Variants in ETV6 observed in about 807,000 individuals in gnomAD.
ETV6 encodes the protein ETS variant transcription factor 6.
ETV6 carries 16 observed loss-of-function variants against 51.1 expected under a neutral mutation model. The observed-to-expected ratio is 0.31, with a 90% CI of 0.21 to 0.48. The LOEUF (loss-of-function observed/expected upper bound fraction) is 0.48. ETV6 is among the 20% of genes least tolerant of loss of function. The pLI is 0.99. For missense variants in ETV6, 458 were observed against 594.8 expected (o/e 0.77, Z 2.39); for synonymous variants, 240 against 224.1 (o/e 1.07, Z -0.64).
intron 1 of ETV6, among the ~76,000 whole-genome samples, chr12:11,682,122 C>A (rs1321046948): frequency 1.3e-5 from 2 of 152,146 alleles, no homozygotes; most frequent in African/African-American, 4.8e-5. Flanking sequence ...ATTTCTGGTT[C>A]TAGATCCTTG....
intron 1 of ETV6, among the ~76,000 whole-genome samples, chr12:11,745,245 C>T (rs112159963): frequency 0.014 from 2,101 of 152,310 alleles, 52 homozygotes; most frequent in African/African-American, 0.048. Flanking sequence ...TGCAGTTATA[C>T]GGAACCTTTA....
chr12:11,741,299 G>T (rs1384386011), intron 1 of ETV6, among the ~76,000 whole-genome samples: 1 of 152,170 alleles, frequency 6.6e-6, no homozygotes, highest in Non-Finnish European at 1.5e-5. Flanking sequence ...CTCACCCAGG[G>T]AACAGTGGTT....
At chr12:11,714,904 G>C (rs1565496213) in intron 1 of ETV6, among the ~76,000 whole-genome samples, 1 of 152,182 alleles carries the variant, frequency 6.6e-6, no homozygotes, top group Admixed American at 6.5e-5. Context: ...GGTCAGTTCT[G>C]TGTTTTGAAG....
At chr12:11,774,279 C>G (rs777108270) in intron 2 of ETV6, among the ~76,000 whole-genome samples, 1 of 152,154 alleles carries the variant, frequency 6.6e-6, no homozygotes, top group African/African-American at 2.4e-5. Flanking sequence ...AACAAACTGC[C>G]TGGATTTCAT....
chr12:11,650,187 G>A, intron 1 of ETV6, 27 bp downstream of exon 1: 3 of 1,607,340 alleles, frequency 1.9e-6, no homozygotes, highest in Non-Finnish European at 1.7e-6. Context: ...CTCCTTCTAC[G>A]TGGTGGAAAC....
chr12:11,731,427 G>A (rs1865595397), intron 1 of ETV6, among the ~76,000 whole-genome samples: 1 of 152,174 alleles, frequency 6.6e-6, no homozygotes, highest in South Asian at 2.1e-4. Context: ...AGAAAAGTGA[G>A]TGTTGTTTGT....
intron 7 of ETV6, among the ~76,000 whole-genome samples, chr12:11,887,184 A>G (rs568023901): frequency 6.6e-6 from 1 of 152,300 alleles, no homozygotes; most frequent in African/African-American, 2.4e-5. Context: ...GCTCTACCGT[A>G]TGGCTTTTCT....
At chr12:11,857,833 G>C (rs1263650204) in intron 4 of ETV6, among the ~76,000 whole-genome samples, 1 of 152,176 alleles carries the variant, frequency 6.6e-6, no homozygotes, top group Non-Finnish European at 1.5e-5. Context: ...TTATAAGAAG[G>C]GGGTTAGGCT....
intron 2 of ETV6, among the ~76,000 whole-genome samples, chr12:11,764,211 C>T (rs1010931463): frequency 2.0e-5 from 3 of 152,160 alleles, no homozygotes; most frequent in African/African-American, 4.8e-5. Context: ...GTGGAAGGAC[C>T]GTGGCCAGCA....
intron 4 of ETV6, among the ~76,000 whole-genome samples, chr12:11,854,814 G>A (rs1179428205): frequency 1.3e-5 from 2 of 152,172 alleles, no homozygotes; most frequent in African/African-American, 2.4e-5. Context: ...TATGAACTCA[G>A]TGTTGGGCCA....
chr12:11,717,330 G>A (rs974282607), intron 1 of ETV6, among the ~76,000 whole-genome samples: 3 of 152,202 alleles, frequency 2.0e-5, no homozygotes, highest in Non-Finnish European at 4.4e-5. Context: ...ATGCGCAGGC[G>A]GCGCTAAGTG....
At chr12:11,826,962 A>G (rs951741171) in intron 2 of ETV6, among the ~76,000 whole-genome samples, 1 of 152,080 alleles carries the variant, frequency 6.6e-6, no homozygotes. Flanking sequence ...GTGAGAAAAA[A>G]GATTACAGCT....
intron 1 of ETV6, among the ~76,000 whole-genome samples, chr12:11,706,646 G>A (rs896068501): frequency 2.0e-5 from 3 of 152,206 alleles, no homozygotes; most frequent in African/African-American, 7.2e-5. Context: ...TTGTGAGCAG[G>A]ACAGATAAGA....
intron 1 of ETV6, among the ~76,000 whole-genome samples, chr12:11,671,396 G>C (rs1228137123): frequency 6.6e-6 from 1 of 152,186 alleles, no homozygotes; most frequent in African/African-American, 2.4e-5. Flanking sequence ...TGGATAGAAA[G>C]AAATGAGATG....
intron 1 of ETV6, among the ~76,000 whole-genome samples, chr12:11,716,951 T>C (rs1865291118): frequency 6.6e-6 from 1 of 152,042 alleles, no homozygotes; most frequent in Admixed American, 6.5e-5. Flanking sequence ...CTAAAATCAT[T>C]AGGTAGATTT....
intron 1 of ETV6, among the ~76,000 whole-genome samples, chr12:11,675,713 C>G (rs923487537): frequency 3.3e-5 from 5 of 152,112 alleles, no homozygotes; most frequent in African/African-American, 1.2e-4. Context: ...ACCCAGGAGG[C>G]TGGGGCAGTA....
chr12:11,769,013 A>C (rs773440070), intron 2 of ETV6: 1 of 454,136 alleles, frequency 2.2e-6, no homozygotes, highest in South Asian at 1.6e-5. Context: ...TAGTACAAAG[A>C]TAAGCAAGGA....
intron 5 of ETV6, among the ~76,000 whole-genome samples, chr12:11,880,610 C>A (rs781104194): frequency 1.4e-4 from 21 of 152,166 alleles, no homozygotes; most frequent in Non-Finnish European, 2.8e-4. Flanking sequence ...AACGCCCATG[C>A]TTGTGGTTAG....
At chr12:11,799,359 C>T (rs1043027815) in intron 2 of ETV6, among the ~76,000 whole-genome samples, 9 of 152,190 alleles carry the variant, frequency 5.9e-5, no homozygotes, top group Admixed American at 5.2e-4. Flanking sequence ...TATCCATGTG[C>T]ATTCCCCAGT....
Sources: allele counts gnomAD v4.1 joint callset (sites outside exome capture counted in the v4.1 genomes callset), GRCh38; gene constraint gnomAD v4.1.1; transcripts MANE v1.5; gene names NCBI Gene and HGNC (gene_info 2026-07-23, HGNC 2026-07-21).